The following CHRM3 variants were observed in gnomAD, a reference collection of about 807,000 sequenced individuals.
CHRM3 encodes muscarinic acetylcholine receptor M3.
In CHRM3, 11 loss-of-function variants were observed where a neutral mutation model predicts 41.8. That is an observed-to-expected ratio of 0.26 (90% CI 0.17 to 0.44). CHRM3 has a LOEUF of 0.44. CHRM3 is among the 20% of genes least tolerant of loss of function. The pLI, the probability that CHRM3 is intolerant of heterozygous loss-of-function variation, is 1.00. For missense variants in CHRM3, 571 were observed against 745.4 expected, an observed-to-expected ratio of 0.77 and a Z score of 2.72; for synonymous variants, 297 against 301.4, an observed-to-expected ratio of 0.99 and a Z score of 0.15.
At chr1:239,601,101 T>G (rs1016593306) in intron 3 of CHRM3, among the ~76,000 whole-genome samples, 7 of 152,304 alleles carry the variant, frequency 4.6e-5, no homozygotes, top group African/African-American at 1.7e-4. Flanking sequence ...TATAACTTCT[T>G]AAGTGGATCC....
At chr1:239,642,546 A>G (rs1671284512) in intron 4 of CHRM3, among the ~76,000 whole-genome samples, 1 of 152,136 alleles carries the variant, frequency 6.6e-6, no homozygotes, top group Non-Finnish European at 1.5e-5. Flanking sequence ...CTCTTCTTCC[A>G]GTTGATCGCA....
intron 5 of CHRM3, among the ~76,000 whole-genome samples, chr1:239,686,451 G>T (rs1332024986): frequency 6.6e-6 from 1 of 152,164 alleles, no homozygotes; most frequent in African/African-American, 2.4e-5. Context: ...TCAAGACTCA[G>T]ATCCAGTGTC....
chr1:239,800,622 G>T (rs1572337884), intron 5 of CHRM3, among the ~76,000 whole-genome samples: 1 of 152,164 alleles, frequency 6.6e-6, no homozygotes, highest in Non-Finnish European at 1.5e-5. Context: ...CCAAGTCCAA[G>T]GAGATGCCAG....
chr1:239,756,803 A>G (rs1188536377), intron 5 of CHRM3, among the ~76,000 whole-genome samples: 2 of 152,032 alleles, frequency 1.3e-5, no homozygotes, highest in Non-Finnish European at 2.9e-5. Context: ...CTCTTCTCAT[A>G]TTATTCATTT....
At chr1:239,675,341 T>C (rs1434947952) in intron 4 of CHRM3, among the ~76,000 whole-genome samples, 1 of 152,256 alleles carries the variant, frequency 6.6e-6, no homozygotes, top group Non-Finnish European at 1.5e-5. Flanking sequence ...GTTTTTCTGC[T>C]TCTTTGTCTT....
intron 4 of CHRM3, among the ~76,000 whole-genome samples, chr1:239,674,794 T>C (rs751450933): frequency 6.6e-6 from 1 of 151,966 alleles, no homozygotes; most frequent in Non-Finnish European, 1.5e-5. Flanking sequence ...TCCTGTTGTA[T>C]GCTAAGTGGA....
intron 5 of CHRM3, chr1:239,707,743 A>G (rs772441262): frequency 6.6e-6 from 1 of 152,146 alleles, no homozygotes; most frequent in African/African-American, 2.4e-5. Flanking sequence ...GTTTGTCAGC[A>G]ATTATTCTGT....
At chr1:239,894,127 A>G (rs1678781508) in intron 6 of CHRM3, among the ~76,000 whole-genome samples, 1 of 152,226 alleles carries the variant, frequency 6.6e-6, no homozygotes, top group Non-Finnish European at 1.5e-5. Flanking sequence ...TCCACTAAAC[A>G]TTTTATCTAC....
chr1:239,746,765 C>CT lies in CHRM3; in HGVS notation c.-147+68487dup, dbSNP rs528604563. On this transcript the variant is annotated intron_variant, in intron 5 of 6. Transcript: ENST00000676153. ...TATTACTCTATTTCTTTCTTTCTTT[C>CT]TTTTTTTTTTGAGACAGAGTTTCGC... 1.7e-3 allele frequency among the ~76,000 whole-genome samples: 247 copies of CT among 148,414 alleles called. 1 individual carries two copies. Among genetic ancestry groups the CT allele is most frequent in the East Asian group, 0.011 (58 of 5,088 alleles).
At chr1:239,505,168 T>C (rs1668484706) in intron 2 of CHRM3, among the ~76,000 whole-genome samples, 1 of 152,152 alleles carries the variant, frequency 6.6e-6, no homozygotes, top group African/African-American at 2.4e-5. Flanking sequence ...TTAGGGCTCA[T>C]ATAAGTTCTT....
At chr1:239,404,719 A>AATATATAAATATATAT (rs1660436389) in intron 1 of CHRM3, among the ~76,000 whole-genome samples, 1 of 97,340 alleles carries the variant, frequency 1.0e-5, no homozygotes, top group Non-Finnish European at 2.0e-5. Flanking sequence ...GCTATATCTA[A>AATATATAAATATATAT]ATATATATAT....
intron 6 of CHRM3, among the ~76,000 whole-genome samples, chr1:239,877,890 C>CTT (rs576152253): frequency 1.4e-5 from 2 of 138,992 alleles, no homozygotes; most frequent in Non-Finnish European, 1.6e-5. Flanking sequence ...TTATTTCTTT[C>CTT]TTTTTTTTTT....
At chr1:239,495,071 TAA>T (rs2148090286) in intron 2 of CHRM3, among the ~76,000 whole-genome samples, 1 of 152,314 alleles carries the variant, frequency 6.6e-6, no homozygotes, top group East Asian at 1.9e-4. Flanking sequence ...CTGACTGTAC[TAA>T]GACAGTCCCT....
At chr1:239,755,341 A>T (rs937797516) in intron 5 of CHRM3, among the ~76,000 whole-genome samples, 1 of 152,220 alleles carries the variant, frequency 6.6e-6, no homozygotes, top group East Asian at 1.9e-4. Context: ...CTTATCAGGA[A>T]GTGAGTTAAC....
At chr1:239,772,122 A>C (rs1401773488) in intron 5 of CHRM3, among the ~76,000 whole-genome samples, 3 of 152,170 alleles carry the variant, frequency 2.0e-5, no homozygotes, top group African/African-American at 7.2e-5. Context: ...GAAGACAAAG[A>C]AAGAAACTTT....
intron 5 of CHRM3, among the ~76,000 whole-genome samples, chr1:239,696,985 G>A (rs756569079): frequency 4.1e-4 from 63 of 152,192 alleles, no homozygotes; most frequent in Non-Finnish European, 7.8e-4. Context: ...ACAAGCTTAA[G>A]TCTTTATTGT....
intron 1 of CHRM3, among the ~76,000 whole-genome samples, chr1:239,489,143 G>A (rs1464510520): frequency 6.6e-6 from 1 of 152,190 alleles, no homozygotes; most frequent in Non-Finnish European, 1.5e-5. Flanking sequence ...GCCAGGCGTG[G>A]TGGCTCACGC....
intron 2 of CHRM3, among the ~76,000 whole-genome samples, chr1:239,505,325 G>A (rs931799390): frequency 6.6e-6 from 1 of 151,884 alleles, no homozygotes; most frequent in African/African-American, 2.4e-5. Context: ...GTTTGGCTTT[G>A]TCCCCACCCA....
chr1:239,450,409 G>A (rs1448713190), intron 1 of CHRM3, among the ~76,000 whole-genome samples: 2 of 152,072 alleles, frequency 1.3e-5, no homozygotes, highest in Non-Finnish European at 2.9e-5. Context: ...GAATTTATTT[G>A]TATACTTTTA....
Sources: gnomAD v4.1 joint callset for allele counts (sites outside exome capture counted in the v4.1 genomes callset) on GRCh38, gnomAD v4.1.1 for gene constraint, MANE v1.5 for transcripts, NCBI Gene and HGNC (gene_info 2026-07-23, HGNC 2026-07-21) for gene names.